The following ARHGEF11 variants were observed in gnomAD, a reference collection of about 807,000 sequenced individuals.
ARHGEF11 encodes Rho guanine exchange factor (GEF) 11.
Under a neutral mutation model 193.7 loss-of-function variants are expected in ARHGEF11, and 55 were observed. The observed-to-expected ratio is 0.28, with a 90% CI of 0.23 to 0.36. The LOEUF (loss-of-function observed/expected upper bound fraction) is 0.36. Ranked by LOEUF, ARHGEF11 falls within the 10% of genes least tolerant of loss-of-function variation. ARHGEF11 has a pLI of 1.00. For missense variants in ARHGEF11, 1,723 were observed against 2,005.6 expected (o/e 0.86, Z 2.69); for synonymous variants, 693 against 768.0 (o/e 0.90, Z 1.62).
At chr1:157,017,190 C>G (rs891098758) in intron 1 of ARHGEF11, among the ~76,000 whole-genome samples, 6 of 152,186 alleles carry the variant, frequency 3.9e-5, no homozygotes, top group Non-Finnish European at 8.8e-5. Context: ...AAGTATTCCT[C>G]AGGCAGTCAT....
chr1:156,963,804 C>T lies in ARHGEF11; in HGVS notation c.964-210G>A, dbSNP rs1435164820. 2.1e-6 allele frequency: 3 copies of T among 1,402,632 alleles called. No individual in the cohort carries two copies. The South Asian group carries it at 4.8e-5, about 23-fold the overall frequency. 86.9% of individuals were successfully genotyped at this position (1,402,632 alleles called of 1,614,324 possible). A position where few individuals can be genotyped will look rare whatever the true frequency, so the allele number is the denominator to read the frequency against. On this transcript the variant is annotated intron_variant, in intron 11 of 40. Transcript: ENST00000368194. ...TCAACTGCTTCTGGGTGGGGCAGGG[C>T]AGATTCAGAGCAGCCTGGTCACATG... is the stretch of plus-strand genomic sequence containing the variant.
chr1:157,003,780 A>G (rs557417110), intron 1 of ARHGEF11, among the ~76,000 whole-genome samples: 1 of 152,276 alleles, frequency 6.6e-6, no homozygotes, highest in Admixed American at 6.5e-5. Flanking sequence ...TGATGCTGAC[A>G]CTCACTGGGG....
intron 1 of ARHGEF11, among the ~76,000 whole-genome samples, chr1:157,027,312 G>C (rs1670765084): frequency 6.6e-6 from 1 of 152,092 alleles, no homozygotes; most frequent in Non-Finnish European, 1.5e-5. Flanking sequence ...GGAAATCCAG[G>C]CTGCAGTGAG....
At chr1:156,984,948 T>G (rs1260283483) in intron 2 of ARHGEF11, among the ~76,000 whole-genome samples, 1 of 151,776 alleles carries the variant, frequency 6.6e-6, no homozygotes, top group African/African-American at 2.4e-5. Flanking sequence ...TCTTGCCAAA[T>G]CTAGGGAAGG....
intron 1 of ARHGEF11, among the ~76,000 whole-genome samples, chr1:157,030,095 T>C (rs77835226): frequency 6.6e-6 from 1 of 152,210 alleles, no homozygotes. Flanking sequence ...TCTGTGAATA[T>C]ACTAAAAATC....
chr1:157,027,088 G>A (rs969930752), intron 1 of ARHGEF11, among the ~76,000 whole-genome samples: 3 of 152,138 alleles, frequency 2.0e-5, no homozygotes, highest in African/African-American at 7.2e-5. Context: ...TACTTAAAGA[G>A]TACTGTCTAG....
At chr1:156,999,725 T>C (rs1666976570) in intron 1 of ARHGEF11, among the ~76,000 whole-genome samples, 1 of 152,132 alleles carries the variant, frequency 6.6e-6, no homozygotes, top group Non-Finnish European at 1.5e-5. Context: ...ACCTAGAACC[T>C]ACAAGATAAA....
intron 1 of ARHGEF11, among the ~76,000 whole-genome samples, chr1:157,016,146 G>A (rs374784171): frequency 9.2e-5 from 14 of 152,270 alleles, no homozygotes; most frequent in African/African-American, 3.1e-4. Flanking sequence ...ACTGAATGAG[G>A]CACCCATAGC....
intron 1 of ARHGEF11, among the ~76,000 whole-genome samples, chr1:157,034,012 T>C (rs1671611994): frequency 2.6e-5 from 4 of 152,236 alleles, no homozygotes; most frequent in Admixed American, 2.6e-4. Context: ...TGCCTAGCAC[T>C]ACGATAAGTG....
intron 1 of ARHGEF11, among the ~76,000 whole-genome samples, chr1:157,017,706 C>CAAAAAAAAAAAA (rs1047573559): frequency 2.4e-5 from 1 of 41,548 alleles, no homozygotes; most frequent in East Asian, 5.7e-4. Flanking sequence ...GACTCCGTCT[C>CAAAAAAAAAAAA]AAAAAAAAAA....
intron 4 of ARHGEF11, among the ~76,000 whole-genome samples, chr1:156,980,093 A>G (rs903713674): frequency 4.6e-5 from 7 of 152,366 alleles, no homozygotes; most frequent in Middle Eastern, 3.4e-3. Context: ...TATATGGAGG[A>G]AAGAATATCA....
At chr1:157,032,351 G>A (rs762687846) in intron 1 of ARHGEF11, among the ~76,000 whole-genome samples, 3 of 152,208 alleles carry the variant, frequency 2.0e-5, no homozygotes, top group Non-Finnish European at 2.9e-5. Context: ...AACATAAAAA[G>A]AGTTCGTTAA....
chr1:157,002,393 T>A (rs1010996277), intron 1 of ARHGEF11, among the ~76,000 whole-genome samples: 2 of 152,172 alleles, frequency 1.3e-5, no homozygotes, highest in African/African-American at 4.8e-5. Flanking sequence ...TGACCAACCT[T>A]GAAATTCTAA....
At chr1:157,006,930 C>A (rs1056096485) in intron 1 of ARHGEF11, among the ~76,000 whole-genome samples, 1 of 152,222 alleles carries the variant, frequency 6.6e-6, no homozygotes. Context: ...CAGGGCCAGG[C>A]TGGCTAAGGT....
intron 1 of ARHGEF11, among the ~76,000 whole-genome samples, chr1:157,020,278 G>A (rs1312403794): frequency 6.6e-6 from 1 of 152,110 alleles, no homozygotes; most frequent in Non-Finnish European, 1.5e-5. Flanking sequence ...CTGTAAGTGT[G>A]CACATTTATT....
Position 156,978,213 on chromosome 1 carries a change from T to C in ARHGEF11, c.501A>G (p.Lys167=). ...LPPPQRITGP[K]PLQDPEVQKH... is the part of the protein sequence containing the mutation. ...CCAGGAGGATTATTACCTGCAGAGG[T>C]TTGGGTCCTGTGATGCGTTGTGGAG... is the stretch of plus-strand genomic sequence containing the variant. The change falls in exon 6 of 41, where the codon AAA becomes AAG. Residue 167 remains lysine (K), a synonymous_variant. Transcript: ENST00000368194. 6.2e-7 allele frequency: 1 copy of C among 1,613,992 alleles called. No homozygotes were observed. The highest frequency in any genetic ancestry group is 1.1e-5 in the South Asian group (1 of 91,050).
chr1:157,042,699 C>T (rs946149396), intron 1 of ARHGEF11, among the ~76,000 whole-genome samples: 5 of 152,164 alleles, frequency 3.3e-5, no homozygotes, highest in African/African-American at 1.2e-4. Context: ...TCCAAACCCC[C>T]AGGAGTGTCT....
chr1:156,955,854 C>T (rs1659870351), intron 19 of ARHGEF11, 55 bp from the exon 20 acceptor site: 2 of 1,383,986 alleles, frequency 1.4e-6, no homozygotes, highest in Admixed American at 1.7e-5. Context: ...CCAGGCGTGG[C>T]TGCTAATCAA....
At position 157,008,410 on chromosome 1, in the gene ARHGEF11, A is replaced by G. The variant is rs762531797; in HGVS notation, c.33-22237T>C. On this transcript the variant is annotated intron_variant, in intron 1 of 40. Coordinates refer to ENST00000368194, the MANE Select transcript of ARHGEF11 (RefSeq NM_198236.3). ...CATCAGGAAGCTTGCACGCACGCAC[A>G]CACACACACACACACACACACACGA... 9.5e-4 allele frequency among the ~76,000 whole-genome samples: 27 copies of G among 28,538 alleles called. 1 individual carries two copies. Among genetic ancestry groups the G allele is most frequent in the African/African-American group, 2.4e-3 (24 of 9,960 alleles). The allele number at this position is 28,538 out of a possible 152,430, so 18.7% of individuals were successfully genotyped here. A position where few individuals can be genotyped will look rare whatever the true frequency, so the allele number is the denominator to read the frequency against.
Sources: allele counts gnomAD v4.1 joint callset (sites outside exome capture counted in the v4.1 genomes callset), GRCh38; gene constraint gnomAD v4.1.1; transcripts MANE v1.5; gene names NCBI Gene and HGNC (gene_info 2026-07-23, HGNC 2026-07-21).